ERBB4: variants seen among roughly 807,000 people sequenced by gnomAD.
ERBB4 encodes the protein receptor tyrosine-protein kinase erbB-4.
ERBB4 carries 42 observed loss-of-function variants against 158.0 expected under a neutral mutation model. The observed-to-expected ratio is 0.27, with a 90% CI of 0.21 to 0.34. The LOEUF is 0.34. Among genes scored for constraint, ERBB4 ranks in the 10% least tolerant of loss-of-function variants. The probability of loss-of-function intolerance (pLI) is 1.00; values close to 1 mark genes in which losing one functional copy is unlikely to be tolerated. For synonymous variants in ERBB4, 583 were observed against 558.7 expected, an observed-to-expected ratio of 1.04 and a Z score of -0.61; for missense variants, 1,333 against 1,624.1, an observed-to-expected ratio of 0.82 and a Z score of 3.08.
chr2:212,005,258 T>A (rs2076233323), intron 2 of ERBB4, among the ~76,000 whole-genome samples: 1 of 152,060 alleles, frequency 6.6e-6, no homozygotes, highest in Admixed American at 6.6e-5. Flanking sequence ...GAACTCGAAA[T>A]TTTGCCGCCC....
At chr2:211,937,601 A>G (rs544209936) in intron 3 of ERBB4, among the ~76,000 whole-genome samples, 46 of 152,250 alleles carry the variant, frequency 3.0e-4, no homozygotes, top group Non-Finnish European at 4.3e-4. Context: ...ACTCACAATC[A>G]TGGGAGAAGG....
At chr2:212,224,637 T>C (rs2083413409) in intron 1 of ERBB4, among the ~76,000 whole-genome samples, 1 of 151,886 alleles carries the variant, frequency 6.6e-6, no homozygotes, top group African/African-American at 2.4e-5. Flanking sequence ...AGAGAACAAT[T>C]AACCCCCTTC....
At chr2:212,052,505 C>T (rs1387289361) in intron 2 of ERBB4, among the ~76,000 whole-genome samples, 1 of 152,210 alleles carries the variant, frequency 6.6e-6, no homozygotes, top group East Asian at 1.9e-4. Context: ...ATGACTAATA[C>T]AGTCTGCTTA....
In ERBB4 at chr2:211,787,652, C is replaced by T. The variant is rs151117315; in HGVS notation, c.556+373G>A. Among the ~76,000 whole-genome samples the T allele has an allele frequency of 6.2e-4, 94 of 152,162 alleles. 2 individuals are homozygous for T. In the East Asian group the frequency reaches 8.3e-3, roughly 13 times the overall value. ...AAAAATTATAGTGAATAGGAAGGTA[C>T]ATTTTTGTTCTACTACCTTTGTCTC... On this transcript the variant is annotated intron_variant, in intron 4 of 27. Coordinates refer to ENST00000342788, the MANE Select transcript of ERBB4 (RefSeq NM_005235.3).
At chr2:212,031,680 C>A (rs2076906359) in intron 2 of ERBB4, among the ~76,000 whole-genome samples, 1 of 152,050 alleles carries the variant, frequency 6.6e-6, no homozygotes, top group South Asian at 2.1e-4. Flanking sequence ...ATAGTGACTC[C>A]TTTCACTTTC....
At chr2:211,636,893 C>T (rs1209361321) in intron 16 of ERBB4, among the ~76,000 whole-genome samples, 1 of 151,858 alleles carries the variant, frequency 6.6e-6, no homozygotes, top group African/African-American at 2.4e-5. Flanking sequence ...GCTATAAAAC[C>T]CATGAGTATG....
At chr2:211,875,025 C>CAAAAAAAAAAA (rs746636278) in intron 3 of ERBB4, among the ~76,000 whole-genome samples, 11 of 27,018 alleles carry the variant, frequency 4.1e-4, no homozygotes, top group Non-Finnish European at 5.9e-4. Context: ...AATAGAAATG[C>CAAAAAAAAAAA]AAAAAAAAAA....
chr2:211,594,202 C>T (rs139742030), intron 19 of ERBB4, among the ~76,000 whole-genome samples: 208 of 152,110 alleles, frequency 1.4e-3, no homozygotes, highest in African/African-American at 4.8e-3. Context: ...TTTGGGAGAC[C>T]GAGGAGGGCT....
At chr2:212,078,309 A>C (rs1212020401) in intron 2 of ERBB4, among the ~76,000 whole-genome samples, 97 of 151,946 alleles carry the variant, frequency 6.4e-4, no homozygotes, top group Admixed American at 6.4e-3. Flanking sequence ...AGTTTCTTTT[A>C]GTTTCAGAGA....
rs949856957 is a variant in ERBB4 at position 212,251,773 on chromosome 2, G to A, written c.83-126870C>T. Among the ~76,000 whole-genome samples the A allele has an allele frequency of 2.6e-5, 4 of 152,070 alleles. No homozygotes were observed. The South Asian group carries it at 6.2e-4, about 24-fold the overall frequency. On this transcript the variant is annotated intron_variant, in intron 1 of 27. Transcript: ENST00000342788. ...GGAAATGAATTTAGAAAGGTGACAGGTGGTCAGACCATGTAGTTATTTGAA... is the reference window on the plus strand; with the variant it reads ...GGAAATGAATTTAGAAAGGTGACAGATGGTCAGACCATGTAGTTATTTGAA...
intron 1 of ERBB4, among the ~76,000 whole-genome samples, chr2:212,188,255 C>CCT (rs2082087371): frequency 1.3e-4 from 6 of 46,826 alleles, no homozygotes; most frequent in Non-Finnish European, 1.4e-4. Flanking sequence ...TCACCCCCTC[C>CCT]CTCCCTCCCT....
intron 24 of ERBB4, among the ~76,000 whole-genome samples, chr2:211,421,392 GAAATT>G (rs1214123433): frequency 1.3e-5 from 2 of 151,736 alleles, no homozygotes; most frequent in Non-Finnish European, 3.0e-5. Context: ...GAGTTTAGGT[GAAATT>G]AATCCTAGAG....
At chr2:211,981,973 T>C (rs1490514379) in intron 2 of ERBB4, among the ~76,000 whole-genome samples, 1 of 152,172 alleles carries the variant, frequency 6.6e-6, no homozygotes, top group Non-Finnish European at 1.5e-5. Flanking sequence ...TTTTATACCA[T>C]ATTTTGGAAT....
chr2:212,150,712 T>G (rs1385462644), intron 1 of ERBB4, among the ~76,000 whole-genome samples: 1 of 152,174 alleles, frequency 6.6e-6, no homozygotes, highest in Admixed American at 6.6e-5. Context: ...TTGTGCTTGG[T>G]TTGGCTGTGC....
chr2:211,795,689 G>A (rs889761543), intron 3 of ERBB4, among the ~76,000 whole-genome samples: 1 of 151,410 alleles, frequency 6.6e-6, no homozygotes, highest in African/African-American at 2.4e-5. Flanking sequence ...AAATCATGAA[G>A]GACAAAAGAA....
intron 18 of ERBB4, among the ~76,000 whole-genome samples, chr2:211,620,875 G>A (rs1559354908): frequency 6.6e-6 from 1 of 152,164 alleles, no homozygotes; most frequent in African/African-American, 2.4e-5. Context: ...GGAGACTGAG[G>A]CAGGAGGGTC....
chr2:211,942,514 G>A (rs1273235345), intron 3 of ERBB4, among the ~76,000 whole-genome samples: 1 of 151,892 alleles, frequency 6.6e-6, no homozygotes, highest in Non-Finnish European at 1.5e-5. Context: ...GTGCCATCAA[G>A]CCTTCTATTC....
chr2:212,407,766 A>T (rs2091389202), intron 1 of ERBB4, among the ~76,000 whole-genome samples: 1 of 152,050 alleles, frequency 6.6e-6, no homozygotes, highest in Non-Finnish European at 1.5e-5. Context: ...TGTCCTAGAA[A>T]TTGTCTTCTT....
At chr2:211,600,076 T>C (rs971942738) in intron 19 of ERBB4, among the ~76,000 whole-genome samples, 8 of 152,336 alleles carry the variant, frequency 5.3e-5, no homozygotes, top group African/African-American at 1.9e-4. Context: ...AGGGAAGCTT[T>C]CCACAATAGA....
Sources: allele counts gnomAD v4.1 joint callset (sites outside exome capture counted in the v4.1 genomes callset), GRCh38; gene constraint gnomAD v4.1.1; transcripts MANE v1.5; gene names NCBI Gene and HGNC (gene_info 2026-07-23, HGNC 2026-07-21).